Variants in COLEC12 observed in about 807,000 individuals in gnomAD.
COLEC12 encodes the protein collectin subfamily member 12, also known as collectin-12.
COLEC12 carries 33 observed loss-of-function variants against 71.1 expected under a neutral mutation model. The observed-to-expected ratio is 0.46, with a 90% CI of 0.35 to 0.62. The LOEUF (loss-of-function observed/expected upper bound fraction) is 0.62, where lower values mean the gene tolerates loss of function less well. COLEC12 is among the 20% of genes least tolerant of loss of function. The probability of loss-of-function intolerance (pLI) is 0.00; values close to 1 mark genes in which losing one functional copy is unlikely to be tolerated. For missense variants in COLEC12, 765 were observed against 916.1 expected, an observed-to-expected ratio of 0.84 and a Z score of 2.13; for synonymous variants, 350 against 353.0, an observed-to-expected ratio of 0.99 and a Z score of 0.10.
At position 463,580 on chromosome 18, in the gene COLEC12, C is replaced by T. The variant is rs16944883; in HGVS notation, c.58+17127G>A. 0.015 allele frequency among the ~76,000 whole-genome samples: 2,327 copies of T among 152,170 alleles called. 165 individuals carry two copies. In the South Asian group the frequency reaches 0.19, roughly 13 times the overall value. The stretch of plus-strand genomic sequence containing the variant: ...CTGGGAGTTCGCTGAGACTGCACAG[C>T]GGGGGCTCGGCTCTGTTCTCTCCCC... On this transcript the variant is annotated intron_variant, in intron 2 of 9. Transcript: ENST00000400256.
At chr18:352,609 G>T (rs988020164) in intron 3 of COLEC12, among the ~76,000 whole-genome samples, 3 of 152,158 alleles carry the variant, frequency 2.0e-5, no homozygotes, top group Non-Finnish European at 4.4e-5. Context: ...CATGCACTGG[G>T]GGGTGTGTGT....
chr18:490,990 C>T (rs1242233422), intron 1 of COLEC12, among the ~76,000 whole-genome samples: 2 of 152,208 alleles, frequency 1.3e-5, no homozygotes, highest in Admixed American at 6.5e-5. Context: ...TTTGTCATTA[C>T]TCTTAGAACA....
At chr18:431,005 T>C (rs1916292131) in intron 2 of COLEC12, among the ~76,000 whole-genome samples, 1 of 152,032 alleles carries the variant, frequency 6.6e-6, no homozygotes, top group Admixed American at 6.6e-5. Flanking sequence ...TTTTATTTTA[T>C]TTTATTTATT....
intron 2 of COLEC12, among the ~76,000 whole-genome samples, chr18:432,877 T>C (rs1465061558): frequency 6.6e-6 from 1 of 152,236 alleles, no homozygotes. Context: ...CTTAGCCAGT[T>C]AACATGCATT....
chr18:488,943 G>A (rs545793057), intron 1 of COLEC12, among the ~76,000 whole-genome samples: 2 of 152,060 alleles, frequency 1.3e-5, no homozygotes, highest in South Asian at 2.1e-4. Flanking sequence ...GGTGTTTCCC[G>A]GAAAAAGAAC....
chr18:456,653 T>C (rs1916878057), intron 2 of COLEC12, among the ~76,000 whole-genome samples: 1 of 152,224 alleles, frequency 6.6e-6, no homozygotes, highest in Non-Finnish European at 1.5e-5. Context: ...TGGCAGCTGA[T>C]GTTGTGTTTT....
At chr18:466,067 C>A (rs577916416) in intron 2 of COLEC12, among the ~76,000 whole-genome samples, 61 of 150,920 alleles carry the variant, frequency 4.0e-4, no homozygotes, top group Non-Finnish European at 7.4e-4. Flanking sequence ...GACCATGTCT[C>A]AAAAAAAATA....
At chr18:459,185 T>A (rs1283508999) in intron 2 of COLEC12, among the ~76,000 whole-genome samples, 1 of 152,076 alleles carries the variant, frequency 6.6e-6, no homozygotes, top group Non-Finnish European at 1.5e-5. Flanking sequence ...TCTGAAAAAC[T>A]AGGTAGCTAC....
chr18:370,980 C>T (rs1273364657), intron 2 of COLEC12, among the ~76,000 whole-genome samples: 8 of 152,192 alleles, frequency 5.3e-5, no homozygotes, highest in African/African-American at 1.7e-4. Context: ...AGAAAATGTT[C>T]GTTCCTAAAT....
At chr18:438,218 C>T (rs1299716418) in intron 2 of COLEC12, among the ~76,000 whole-genome samples, 3 of 152,078 alleles carry the variant, frequency 2.0e-5, no homozygotes, top group Admixed American at 6.5e-5. Context: ...GTCAAAGTGC[C>T]AGCATAAACC....
intron 2 of COLEC12, among the ~76,000 whole-genome samples, chr18:380,656 G>A (rs550171495): frequency 6.6e-6 from 1 of 152,120 alleles, no homozygotes; most frequent in Non-Finnish European, 1.5e-5. Context: ...CTCTAGGGGT[G>A]TGGGTTCCAG....
At chr18:410,254 G>C (rs1008871161) in intron 2 of COLEC12, among the ~76,000 whole-genome samples, 3 of 152,100 alleles carry the variant, frequency 2.0e-5, no homozygotes, top group African/African-American at 7.2e-5. Context: ...AACTAAAAAT[G>C]AAAGTTCCAG....
chr18:386,443 C>T (rs1005937297), intron 2 of COLEC12, among the ~76,000 whole-genome samples: 1 of 152,186 alleles, frequency 6.6e-6, no homozygotes, highest in Non-Finnish European at 1.5e-5. Flanking sequence ...GATGTACAAC[C>T]TCAAGCCTGT....
At chr18:478,425 C>T (rs1285518179) in intron 2 of COLEC12, among the ~76,000 whole-genome samples, 1 of 152,048 alleles carries the variant, frequency 6.6e-6, no homozygotes, top group Non-Finnish European at 1.5e-5. Flanking sequence ...CCAGCTGGGG[C>T]AAGATAGTAA....
chr18:410,002 A>G (rs1915862689), intron 2 of COLEC12, among the ~76,000 whole-genome samples: 2 of 152,198 alleles, frequency 1.3e-5, no homozygotes, highest in Non-Finnish European at 2.9e-5. Flanking sequence ...GATCTGGAAC[A>G]AGTTACTTAA....
intron 5 of COLEC12, among the ~76,000 whole-genome samples, chr18:341,935 T>G (rs774272744): frequency 6.6e-6 from 1 of 152,210 alleles, no homozygotes; most frequent in Non-Finnish European, 1.5e-5. Flanking sequence ...TTCCTTAGCT[T>G]GCAGAGGAAC....
At chr18:458,440 G>A (rs557861847) in intron 2 of COLEC12, among the ~76,000 whole-genome samples, 1 of 152,366 alleles carries the variant, frequency 6.6e-6, no homozygotes, top group Admixed American at 6.5e-5. Context: ...ACACGTGGGT[G>A]GGCTGAGGAG....
intron 3 of COLEC12, among the ~76,000 whole-genome samples, chr18:352,503 C>A (rs147898888): frequency 6.6e-6 from 1 of 152,164 alleles, no homozygotes; most frequent in East Asian, 1.9e-4. Context: ...TAAATACATT[C>A]ATTAAAAAAA....
intron 2 of COLEC12, among the ~76,000 whole-genome samples, chr18:384,364 T>C (rs1359533545): frequency 6.6e-6 from 1 of 151,888 alleles, no homozygotes; most frequent in Admixed American, 6.5e-5. Context: ...GTGACCAGGA[T>C]AGAGAGGAGT....
Sources: allele counts gnomAD v4.1 joint callset (sites outside exome capture counted in the v4.1 genomes callset), GRCh38; gene constraint gnomAD v4.1.1; transcripts MANE v1.5; gene names NCBI Gene and HGNC (gene_info 2026-07-23, HGNC 2026-07-21).